The following KLF8 variants were observed in gnomAD, a reference collection of about 807,000 sequenced individuals.
KLF8 encodes the protein Krueppel-like factor 8.
In KLF8, 10 loss-of-function variants were observed where a neutral mutation model predicts 18.2. That is an observed-to-expected ratio of 0.55 (90% confidence interval 0.34 to 0.93). The LOEUF (loss-of-function observed/expected upper bound fraction) is 0.93, where lower values mean the gene tolerates loss of function less well. Among genes scored for constraint, KLF8 ranks in the 40% least tolerant of loss-of-function variants. KLF8 has a pLI of 0.02. For synonymous variants in KLF8, 109 were observed against 97.3 expected (o/e 1.12, Z -0.71); for missense variants, 264 against 277.9 (o/e 0.95, Z 0.36).
the KLF8 span, among the ~76,000 whole-genome samples, chrX:55,918,325 T>C: frequency 1.2e-4 from 13 of 111,918 alleles, no homozygotes; most frequent in Non-Finnish European, 2.1e-4. Context: ...AGATTATACA[T>C]CATTTTTCAT....
the KLF8 span, among the ~76,000 whole-genome samples, chrX:56,001,990 A>T: frequency 1.8e-5 from 2 of 112,174 alleles, no homozygotes; most frequent in Non-Finnish European, 1.9e-5. Flanking sequence ...CAGACTTTTT[A>T]TGAAGGCCCG....
At chrX:56,194,865 G>A in the KLF8 span, among the ~76,000 whole-genome samples, 1 of 112,018 alleles carries the variant, frequency 8.9e-6, no homozygotes, top group Non-Finnish European at 1.9e-5. Context: ...CCAGAGGAAG[G>A]ATCAGACAGC....
intron 4 of KLF8, 81 bp downstream of exon 4, chrX:56,269,570 T>G (rs977166118): frequency 2.3e-5 from 24 of 1,059,590 alleles, no homozygotes; most frequent in Non-Finnish European, 2.4e-5. Context: ...TATGTATAGG[T>G]GGAACTAATG....
At chrX:56,214,095 G>C in the KLF8 span, among the ~76,000 whole-genome samples, 1 of 110,784 alleles carries the variant, frequency 9.0e-6, no homozygotes, top group African/African-American at 3.3e-5. Flanking sequence ...GCTTCTCCTT[G>C]ATGTTCAGTT....
chrX:56,241,691 G>T (rs973415364), intron 1 of KLF8, among the ~76,000 whole-genome samples: 8 of 112,069 alleles, frequency 7.1e-5, no homozygotes, highest in African/African-American at 2.6e-4. Flanking sequence ...AAATGACACT[G>T]CTAGACAACA....
chrX:56,093,534 C>A, the KLF8 span, among the ~76,000 whole-genome samples: 1 of 109,464 alleles, frequency 9.1e-6, no homozygotes, highest in Non-Finnish European at 1.9e-5. Flanking sequence ...AATAGACCTG[C>A]CTTACAACAA....
the KLF8 span, among the ~76,000 whole-genome samples, chrX:55,986,927 C>A: frequency 9.0e-6 from 1 of 111,671 alleles, no homozygotes; most frequent in Admixed American, 9.5e-5. Context: ...CCTCCAATTC[C>A]ATCCAAGTTT....
chrX:56,089,088 C>A, the KLF8 span, among the ~76,000 whole-genome samples: 1 of 111,118 alleles, frequency 9.0e-6, no homozygotes. Flanking sequence ...ATAAAGTCAT[C>A]CCCACTGCAG....
chrX:56,064,799 C>T, the KLF8 span, among the ~76,000 whole-genome samples: 1 of 111,476 alleles, frequency 9.0e-6, no homozygotes, highest in East Asian at 2.8e-4. Context: ...GGTGATAAAC[C>T]CTCTCAGCTT....
the KLF8 span, among the ~76,000 whole-genome samples, chrX:56,030,814 G>C: frequency 3.7e-5 from 4 of 108,003 alleles, no homozygotes; most frequent in Non-Finnish European, 7.7e-5. Context: ...AGAACTTTAG[G>C]GGCTGGCTTC....
the KLF8 span, among the ~76,000 whole-genome samples, chrX:55,953,839 TAAAAG>T: frequency 9.0e-6 from 1 of 110,741 alleles, no homozygotes; most frequent in Non-Finnish European, 1.9e-5. Context: ...ATAAAATTCT[TAAAAG>T]AAAACATAAA....
Position 56,286,851 on chromosome X carries a change from C to G in KLF8, c.*2357C>G, listed in dbSNP as rs1461712873. ...GCACTAGGCGATATCTAGGGCCAGTCTGTTAAAGGGGACCTCTAATGTAGC... is the reference window on the plus strand; with the variant it reads ...GCACTAGGCGATATCTAGGGCCAGTGTGTTAAAGGGGACCTCTAATGTAGC... On this transcript the variant is annotated 3_prime_UTR_variant, in exon 6 of 6. Transcript: ENST00000468660. The G allele has an allele frequency of 1.8e-5, 2 of 111,806 alleles. No individual in the cohort carries two copies. The highest frequency in any genetic ancestry group is 6.5e-5 in the African/African-American group (2 of 30,776). The allele number at this position is 111,806 out of a possible 1,213,427, so 9.2% of individuals were successfully genotyped here.
the KLF8 span, among the ~76,000 whole-genome samples, chrX:56,158,290 T>C: frequency 8.9e-5 from 10 of 112,106 alleles, no homozygotes; most frequent in Admixed American, 1.9e-4. Flanking sequence ...TTGGTTACTG[T>C]AGCCTTGTAG....
chrX:56,081,241 G>C, the KLF8 span, among the ~76,000 whole-genome samples: 4 of 111,352 alleles, frequency 3.6e-5, no homozygotes, highest in East Asian at 1.1e-3. Flanking sequence ...GGAGTTTCCA[G>C]TTTTTCTGTT....
chrX:56,103,114 C>T, the KLF8 span, among the ~76,000 whole-genome samples: 1 of 109,860 alleles, frequency 9.1e-6, no homozygotes, highest in Non-Finnish European at 1.9e-5. Context: ...GTTACTGTAG[C>T]CTTGTAGTAT....
At chrX:56,174,273 A>G in the KLF8 span, among the ~76,000 whole-genome samples, 2 of 112,134 alleles carry the variant, frequency 1.8e-5, no homozygotes, top group Non-Finnish European at 3.8e-5. Context: ...ACGTCCCATC[A>G]ATACCTAAAT....
At chrX:56,015,037 A>G in the KLF8 span, 1 of 110,095 alleles carries the variant, frequency 9.1e-6, no homozygotes, top group East Asian at 2.8e-4. Flanking sequence ...ATTCACTAAT[A>G]GATGCTGGGC....
the KLF8 span, among the ~76,000 whole-genome samples, chrX:56,194,127 G>C: frequency 9.0e-6 from 1 of 110,851 alleles, no homozygotes; most frequent in African/African-American, 3.3e-5. Flanking sequence ...ACAGCTCCAG[G>C]CTGCAGCTCC....
the KLF8 span, among the ~76,000 whole-genome samples, chrX:56,071,741 G>A: frequency 8.9e-6 from 1 of 111,813 alleles, no homozygotes; most frequent in African/African-American, 3.2e-5. Context: ...CCCAACAACA[G>A]TTTTTCTTTG....
Sources: allele counts gnomAD v4.1 joint callset (sites outside exome capture counted in the v4.1 genomes callset), GRCh38; gene constraint gnomAD v4.1.1; transcripts MANE v1.5; gene names NCBI Gene and HGNC (gene_info 2026-07-23, HGNC 2026-07-21).